Variants in XRN1 observed in about 807,000 individuals in gnomAD.
XRN1 encodes strand-exchange protein 1 homolog.
In XRN1, 67 loss-of-function variants were observed where a neutral mutation model predicts 222.3. The observed-to-expected ratio is 0.30, with a 90% confidence interval of 0.25 to 0.37. The LOEUF (loss-of-function observed/expected upper bound fraction) is 0.37, where lower values mean the gene tolerates loss of function less well. Ranked by LOEUF, XRN1 falls within the 10% of genes least tolerant of loss-of-function variation. The pLI is 1.00. For missense variants in XRN1, 1,707 were observed against 2,000.2 expected, an observed-to-expected ratio of 0.85 and a Z score of 2.80; for synonymous variants, 643 against 652.4, an observed-to-expected ratio of 0.99 and a Z score of 0.22.
At position 142,417,219 on chromosome 3, in the gene XRN1, C is replaced by T. The variant is rs867675062; in HGVS notation, c.1357G>A (p.Ala453Thr). The T allele has an allele frequency of 6.2e-7, 1 of 1,613,130 alleles. No homozygotes were observed. Among genetic ancestry groups the T allele is most frequent in the Non-Finnish European group, 8.5e-7 (1 of 1,179,592 alleles). Residue 453 changes from alanine to threonine, a missense_variant, in exon 13 of 41, where the codon GCT becomes ACT. By Grantham distance (58) the Ala-to-Thr change is moderately conservative (BLOSUM62 0). This residue lies in a region of XRN1 where 1,234 missense variants were observed against 1,518.2 expected (regional missense o/e 0.81). Transcript: ENST00000392981. ...GVDVVSDDFL[A>T]DQAACYVQAI... The stretch of plus-strand genomic sequence containing the variant: ...TGAACATAACATGCAGCTTGATCAG[C>T]CAGAAAGTCACTGAAAATAGAATAT...
Position 142,306,772 on chromosome 3 carries a change from T to C in XRN1, c.*4739A>G, listed in dbSNP as rs544545166. Reference sequence around the variant, plus strand: ...GATAACGTAACACCACAAAAATACATTCGGAGTCCATTCCAATGCAAGTTT... The same window carrying C: ...GATAACGTAACACCACAAAAATACACTCGGAGTCCATTCCAATGCAAGTTT... On this transcript the variant is annotated 3_prime_UTR_variant, in exon 41 of 41. Transcript: ENST00000392981. The C allele has an allele frequency of 6.5e-6, 1 of 152,726 alleles. No individual in the cohort carries two copies. The highest frequency in any genetic ancestry group is 2.1e-4 in the South Asian group (1 of 4,832). The allele number at this position is 152,726 out of a possible 1,614,324, so 9.5% of individuals were successfully genotyped here. A position where few individuals can be genotyped will look rare whatever the true frequency, so the allele number is the denominator to read the frequency against.
At chr3:142,347,186 A>T (rs750134263) in intron 33 of XRN1, 48 bp downstream of exon 33, 11 of 1,243,258 alleles carry the variant, frequency 8.8e-6, no homozygotes, top group East Asian at 2.4e-5. Flanking sequence ...TTATTTTTTT[A>T]AAAAAGAAGC....
chr3:142,422,618 A>G lies in XRN1; in HGVS notation c.931T>C (p.Tyr311His). ...HINHDALPLL[Y>H]GTYVTILPEL... ...GGCAGGATGGTAACATATGTTCCATAAAGAAGAGGCAGTGCATCATGATTA... is the reference window on the plus strand; with the variant it reads ...GGCAGGATGGTAACATATGTTCCATGAAGAAGAGGCAGTGCATCATGATTA... The change falls in exon 8 of 41, where the codon TAT (tyrosine) becomes CAT (histidine). Residue 311 changes from tyrosine (Y) to histidine (H), a missense_variant. Coordinates refer to ENST00000392981, the MANE Select transcript of XRN1 (RefSeq NM_001282857.2). 1 of 1,613,672 alleles carries G rather than the reference A, an allele frequency of 6.2e-7. No individual in the cohort carries two copies. Among genetic ancestry groups the G allele is most frequent in the Non-Finnish European group, 8.5e-7 (1 of 1,179,792 alleles).
intron 20 of XRN1, among the ~76,000 whole-genome samples, chr3:142,386,550 C>T (rs891274319): frequency 1.3e-5 from 2 of 152,126 alleles, no homozygotes; most frequent in Admixed American, 1.3e-4. Flanking sequence ...AAACAAGCTA[C>T]AGTGATAATT....
Position 142,447,010 on chromosome 3 carries a change from T to TAAAAAAA in XRN1, c.75+859_75+860insTTTTTTT, listed in dbSNP as rs10680676. Among the ~76,000 whole-genome samples, 5 of 151,936 alleles carry TAAAAAAA rather than the reference T, an allele frequency of 3.3e-5. No individual in the cohort carries two copies. The highest frequency in any genetic ancestry group is 1.2e-4 in the African/African-American group (5 of 41,266). On this transcript the variant is annotated intron_variant, in intron 1 of 40. Transcript: ENST00000392981. This position sits in a 1 kb window ranked among gnomAD's most constrained non-coding sequence, Gnocchi z 4.2. ...TTTCTGTAAAGCATCAGAAAAGAGA[T>TAAAAAAA]CAAATTCATTAAATGTGACAAACAC...
intron 34 of XRN1, among the ~76,000 whole-genome samples, chr3:142,333,715 C>A (rs2065768479): frequency 6.6e-6 from 1 of 152,018 alleles, no homozygotes; most frequent in African/African-American, 2.4e-5. Context: ...GTGCAACATC[C>A]ATGATGGTAT....
chr3:142,390,535 T>C (rs1267571103), intron 20 of XRN1, among the ~76,000 whole-genome samples: 2 of 152,218 alleles, frequency 1.3e-5, no homozygotes, highest in African/African-American at 4.8e-5. Context: ...TCAGCCTTTA[T>C]AGAATTGAAG....
intron 26 of XRN1, 119 bp downstream of exon 26, chr3:142,371,120 A>T: frequency 1.2e-6 from 1 of 829,728 alleles, no homozygotes. Context: ...AGAGAGTAAG[A>T]ACCTGTCTCA....
At chr3:142,440,981 T>C (rs2070179877) in intron 1 of XRN1, among the ~76,000 whole-genome samples, 1 of 152,164 alleles carries the variant, frequency 6.6e-6, no homozygotes, top group Non-Finnish European at 1.5e-5. Context: ...TGTCCTTCGG[T>C]ACGCGGATGA....
rs965622624 is a variant in XRN1, at chr3:142,432,990, G to C, written c.76-97C>G. ...AGTGATTATTCAATGATGAAAAGCA[G>C]GATTTGTGTATTCTATTATACAAAA... On this transcript the variant is annotated intron_variant, in intron 1 of 40. Transcript: ENST00000392981. 6.5e-5 allele frequency: 60 copies of C among 919,234 alleles called. No homozygotes were observed. The East Asian group carries it at 1.5e-3, about 23-fold the overall frequency. The allele number at this position is 919,234 out of a possible 1,614,324, so 56.9% of individuals were successfully genotyped here. A position where few individuals can be genotyped will look rare whatever the true frequency, so the allele number is the denominator to read the frequency against.
Position 142,418,511 on chromosome 3 carries a change from C to T in XRN1, c.1339G>A (p.Val447Ile), listed in dbSNP as rs1265740190. Residue 447 changes from valine (V) to isoleucine (I), a missense_variant, in exon 12 of 41, where the codon GTA becomes ATA. Transcript: ENST00000392981. Reference sequence around the variant, plus strand: ...GCATTGGCAAAAACGTACTCAGATACTACGTCAACCCCCATCTTCGTCATG... The same window carrying T: ...GCATTGGCAAAAACGTACTCAGATATTACGTCAACCCCCATCTTCGTCATG... ...YYMTKMGVDV[V>I]SDDFLADQAA... The T allele has an allele frequency of 1.2e-6, 2 of 1,606,780 alleles. No homozygotes were observed. The highest frequency in any genetic ancestry group is 1.7e-6 in the Non-Finnish European group (2 of 1,176,676).
chr3:142,416,488 C>A lies in XRN1; in HGVS notation c.1436+652G>T, dbSNP rs553783938. Among the ~76,000 whole-genome samples, 14 of 152,184 alleles carry A rather than the reference C, an allele frequency of 9.2e-5. No individual in the cohort carries two copies. The South Asian group carries it at 2.9e-3, about 32-fold the overall frequency. The stretch of plus-strand genomic sequence containing the variant: ...CATGAGCCACTGTGCCCGAACACTT[C>A]AATAATTATTCTTGATAGAGAATTT... On this transcript the variant is annotated intron_variant, in intron 13 of 40. Transcript: ENST00000392981.
chr3:142,397,923 C>T (rs942751628), intron 19 of XRN1, among the ~76,000 whole-genome samples: 4 of 152,046 alleles, frequency 2.6e-5, no homozygotes, highest in Non-Finnish European at 5.9e-5. Flanking sequence ...ATGTATTCTA[C>T]AAATATATAC....
Position 142,425,513 on chromosome 3 carries a change from A to T in XRN1, c.432T>A (p.His144Gln). Residue 144 changes from histidine to glutamine, a missense_variant, in exon 4 of 41, where the codon CAT becomes CAA. His to Gln is a conservative substitution (Grantham distance 24). Coordinates refer to ENST00000392981, the MANE Select transcript of XRN1 (RefSeq NM_001282857.2). ...TPGTEFMARL[H>Q]EHLKYFVNMK... ...TATTTACAAAATACTTCAGATGTTCATGTAACCTGGCCATAAATTCAGTTC... is the reference window on the plus strand; with the variant it reads ...TATTTACAAAATACTTCAGATGTTCTTGTAACCTGGCCATAAATTCAGTTC... The T allele has an allele frequency of 6.2e-7, 1 of 1,613,018 alleles. No individual in the cohort carries two copies. The highest frequency in any genetic ancestry group is 1.1e-5 in the South Asian group (1 of 90,958).
intron 33 of XRN1, among the ~76,000 whole-genome samples, chr3:142,342,921 T>G (rs1265861033): frequency 3.3e-5 from 5 of 151,758 alleles, no homozygotes; most frequent in Non-Finnish European, 7.4e-5. Flanking sequence ...AATAAACAAA[T>G]GGGATCACAT....
chr3:142,379,078 T>C (rs891690690), intron 23 of XRN1, among the ~76,000 whole-genome samples: 4 of 150,812 alleles, frequency 2.7e-5, no homozygotes, highest in African/African-American at 4.9e-5. Context: ...GAGACCAACA[T>C]GGTGAAACCC....
At chr3:142,362,817 C>T (rs2066689923) in intron 29 of XRN1, among the ~76,000 whole-genome samples, 1 of 149,734 alleles carries the variant, frequency 6.7e-6, no homozygotes, top group South Asian at 2.2e-4. Context: ...GTCAACCAGG[C>T]AGGAGTGCAG....
chr3:142,341,200 G>A (rs187190272), intron 33 of XRN1, among the ~76,000 whole-genome samples: 21 of 152,186 alleles, frequency 1.4e-4, no homozygotes, highest in Non-Finnish European at 2.8e-4. Flanking sequence ...TTTTGTTTAT[G>A]CAAGCAGTGT....
chr3:142,410,383 G>A (rs980555133), intron 15 of XRN1, among the ~76,000 whole-genome samples: 2 of 150,956 alleles, frequency 1.3e-5, no homozygotes, highest in African/African-American at 4.9e-5. Flanking sequence ...GTTGAATATT[G>A]ATAATGTGGT....
Sources: gnomAD v4.1 joint callset for allele counts (sites outside exome capture counted in the v4.1 genomes callset) on GRCh38, gnomAD v4.1.1 for gene constraint, gnomAD v4.1.1 regional missense constraint, Gnocchi (gnomAD v3.1) non-coding constraint, MANE v1.5 for transcripts, NCBI Gene and HGNC (gene_info 2026-07-23, HGNC 2026-07-21) for gene names.